RAPGEF2: variants seen among roughly 807,000 people sequenced by gnomAD.
RAPGEF2 encodes the protein PDZ domain containing guanine nucleotide exchange factor (GEF) 1.
Under a neutral mutation model 186.7 loss-of-function variants are expected in RAPGEF2, and 54 were observed. That is an observed-to-expected ratio of 0.29 (90% confidence interval 0.23 to 0.36). The LOEUF (loss-of-function observed/expected upper bound fraction) is 0.36. RAPGEF2 is among the 10% of genes least tolerant of loss of function. RAPGEF2 has a pLI of 1.00. For synonymous variants in RAPGEF2, 712 were observed against 705.9 expected, an observed-to-expected ratio of 1.01 and a Z score of -0.14; for missense variants, 1,532 against 2,045.0, an observed-to-expected ratio of 0.75 and a Z score of 4.84.
chr4:159,324,350 C>A (rs1344023365), intron 11 of RAPGEF2, among the ~76,000 whole-genome samples: 1 of 152,128 alleles, frequency 6.6e-6, no homozygotes, highest in Non-Finnish European at 1.5e-5. Flanking sequence ...TAATGTGGAA[C>A]TATTACTTTT....
chr4:159,261,342 G>A (rs11724890), intron 7 of RAPGEF2, among the ~76,000 whole-genome samples: 29,638 of 152,046 alleles, frequency 0.19, 4,399 homozygotes, highest in African/African-American at 0.42. Context: ...GATTACGGGC[G>A]TGAGCCACCG....
chr4:159,229,043 T>G (rs1752341296), intron 4 of RAPGEF2, among the ~76,000 whole-genome samples: 1 of 152,192 alleles, frequency 6.6e-6, no homozygotes, highest in Non-Finnish European at 1.5e-5. Flanking sequence ...GGTTTTGATT[T>G]AGGAACATCA....
At chr4:159,344,613 T>A (rs951343596) in intron 23 of RAPGEF2, among the ~76,000 whole-genome samples, 2 of 152,260 alleles carry the variant, frequency 1.3e-5, no homozygotes, top group Admixed American at 6.5e-5. Flanking sequence ...TTTGCATGAT[T>A]GTTTTATTAA....
chr4:159,175,942 G>A (rs945204559), intron 1 of RAPGEF2, among the ~76,000 whole-genome samples: 2 of 152,188 alleles, frequency 1.3e-5, no homozygotes, highest in South Asian at 2.1e-4. Context: ...AGAGATGTAA[G>A]AGAAGACGAG....
At chr4:159,259,648 A>G (rs150216988) in intron 7 of RAPGEF2, among the ~76,000 whole-genome samples, 15 of 152,314 alleles carry the variant, frequency 9.8e-5, no homozygotes, top group African/African-American at 3.6e-4. Context: ...GATCTTTTGT[A>G]GGTATGACTG....
In RAPGEF2 at chr4:159,104,227, C is replaced by T. The variant is rs1486810273; in HGVS notation, c.65C>T (p.Pro22Leu). 1 of 1,178,632 alleles carries T rather than the reference C, an allele frequency of 8.5e-7. No individual in the cohort carries two copies. The highest frequency in any genetic ancestry group is 1.1e-6 in the Non-Finnish European group (1 of 928,214). 73.0% of individuals were successfully genotyped at this position (1,178,632 alleles called of 1,614,324 possible). The stretch of plus-strand genomic sequence containing the variant: ...ATGAAGAATCCCCCCGAAAGGACCC[C>T]CCAGGTGAGAACGCGGCGGCCGCCT... ...AVMKNPPERT[P>L]QDLEIVYSYL... Residue 22 changes from proline (P) to leucine (L), a missense_variant, in exon 1 of 30, where the codon CCC (proline) becomes CTC (leucine). Transcript: ENST00000691494.
intron 1 of RAPGEF2, among the ~76,000 whole-genome samples, chr4:159,141,245 C>G (rs1443982592): frequency 6.6e-6 from 1 of 152,208 alleles, no homozygotes; most frequent in East Asian, 1.9e-4. Flanking sequence ...ATAATCCTAT[C>G]GGGATATTTA....
At chr4:159,357,869 CAA>C (rs1732258993) in intron 29 of RAPGEF2, among the ~76,000 whole-genome samples, 2 of 151,556 alleles carry the variant, frequency 1.3e-5, no homozygotes, top group Non-Finnish European at 2.9e-5. Context: ...ACTTTCTGAA[CAA>C]AAATATATAA....
At chr4:159,213,165 A>T (rs570871682) in intron 4 of RAPGEF2, among the ~76,000 whole-genome samples, 1 of 152,190 alleles carries the variant, frequency 6.6e-6, no homozygotes, top group South Asian at 2.1e-4. Flanking sequence ...GCACCGTCCA[A>T]GTTGCTTGTT....
At chr4:159,194,002 GAAAC>G (rs1374627737) in intron 3 of RAPGEF2, among the ~76,000 whole-genome samples, 1 of 152,146 alleles carries the variant, frequency 6.6e-6, no homozygotes, top group Non-Finnish European at 1.5e-5. Context: ...AACAACAACA[GAAAC>G]AAACAAAGCA....
chr4:159,359,566 TG>T lies in RAPGEF2; in HGVS notation c.*1429del, dbSNP rs1732500663. 1 of 152,208 alleles carries T rather than the reference TG, an allele frequency of 6.6e-6. No individual in the cohort carries two copies. The highest frequency in any genetic ancestry group is 1.5e-5 in the Non-Finnish European group (1 of 68,044). 9.4% of individuals were successfully genotyped at this position (152,208 alleles called of 1,614,324 possible). On this transcript the variant is annotated 3_prime_UTR_variant, in exon 30 of 30. Coordinates refer to ENST00000691494, the MANE Select transcript of RAPGEF2 (RefSeq NM_001394067.2). ...CTCAAATGTGAGGAACTGCTGGTCT[TG>T]GATTTTTTTTCCATTAAATTCAGCT...
intron 19 of RAPGEF2, among the ~76,000 whole-genome samples, chr4:159,340,781 A>C (rs1484075129): frequency 1.1e-4 from 1 of 9,450 alleles, no homozygotes; most frequent in South Asian, 8.2e-3. Context: ...CACCATCACC[A>C]CACACACACA....
Position 159,332,487 on chromosome 4 carries a change from A to T in RAPGEF2, c.1925A>T (p.Lys642Ile), listed in dbSNP as rs754935150. 2 of 1,613,820 alleles carry T rather than the reference A, an allele frequency of 1.2e-6. No homozygotes were observed. The highest frequency in any genetic ancestry group is 1.7e-6 in the Non-Finnish European group (2 of 1,179,808). ...KELLTRLSEEKRNGAPHLPKI... is the reference protein window; with the variant it reads ...KELLTRLSEEIRNGAPHLPKI... ...CTTCTAACAAGATTGTCAGAAGAGA[A>T]AAGAAATGGTGCCCCCCACCTTCCT... The change falls in exon 17 of 30, where the codon AAA (lysine) becomes ATA (isoleucine). Residue 642 changes from lysine (K) to isoleucine (I), a missense_variant. Lys to Ile is a moderately radical substitution (Grantham distance 102). Around this residue, in one of 4 missense-constraint regions of RAPGEF2, gnomAD observed 810 missense variants for 1,210.5 expected, o/e 0.67. Coordinates refer to ENST00000691494, the MANE Select transcript of RAPGEF2 (RefSeq NM_001394067.2).
chr4:159,255,285 T>C (rs187097677), intron 7 of RAPGEF2, among the ~76,000 whole-genome samples: 230 of 152,336 alleles, frequency 1.5e-3, no homozygotes, highest in African/African-American at 4.9e-3. Flanking sequence ...TTAAAACTTC[T>C]TTCTTCTCAA....
chr4:159,208,744 G>A (rs1750209120), intron 3 of RAPGEF2, among the ~76,000 whole-genome samples: 4 of 152,106 alleles, frequency 2.6e-5, no homozygotes. Context: ...GACTATGTGT[G>A]ATAAAATAAC....
At chr4:159,227,637 C>T (rs980881373) in intron 4 of RAPGEF2, among the ~76,000 whole-genome samples, 15 of 152,166 alleles carry the variant, frequency 9.9e-5, no homozygotes, top group African/African-American at 2.9e-4. Flanking sequence ...AGTTTGGTCA[C>T]GAGGACATAG....
At chr4:159,184,219 T>C (rs36167715) in intron 1 of RAPGEF2, among the ~76,000 whole-genome samples, 47,397 of 152,144 alleles carry the variant, frequency 0.31, 7,780 homozygotes, top group Non-Finnish European at 0.37. Context: ...CATGTGTCTT[T>C]ATAGCAGCAT....
At chr4:159,246,321 AAAT>A (rs933277282) in intron 7 of RAPGEF2, among the ~76,000 whole-genome samples, 1 of 152,142 alleles carries the variant, frequency 6.6e-6, no homozygotes, top group Non-Finnish European at 1.5e-5. Context: ...AACTTTATGG[AAAT>A]AATTTCTGTT....
At chr4:159,220,884 G>A (rs1751467908) in intron 4 of RAPGEF2, among the ~76,000 whole-genome samples, 2 of 152,112 alleles carry the variant, frequency 1.3e-5, no homozygotes, top group African/African-American at 4.8e-5. Flanking sequence ...ACTTTAAAAA[G>A]TTTGACAATA....
Sources: allele counts gnomAD v4.1 joint callset (sites outside exome capture counted in the v4.1 genomes callset), GRCh38; gene constraint gnomAD v4.1.1; regional missense constraint gnomAD v4.1.1; transcripts MANE v1.5; gene names NCBI Gene and HGNC (gene_info 2026-07-23, HGNC 2026-07-21).